Variants in BLTP1 observed in about 807,000 individuals in gnomAD.
The protein encoded by BLTP1 is bridge-like lipid transfer protein family member 1.
the BLTP1 span, among the ~76,000 whole-genome samples, chr4:122,351,442 C>T: frequency 6.6e-6 from 1 of 152,180 alleles, no homozygotes; most frequent in African/African-American, 2.4e-5. Context: ...TGCTAATTAT[C>T]TCCTTTAGCT....
chr4:122,239,405 A>T, the BLTP1 span: 1 of 898,380 alleles, frequency 1.1e-6, no homozygotes, highest in Non-Finnish European at 1.6e-6. Flanking sequence ...ATTTTCTTTT[A>T]CTTGTAAAGT....
the BLTP1 span, among the ~76,000 whole-genome samples, chr4:122,323,877 A>T: frequency 6.6e-6 from 1 of 152,062 alleles, no homozygotes; most frequent in Non-Finnish European, 1.5e-5. Context: ...CTCAATTCCC[A>T]TTATCCATCT....
the BLTP1 span, chr4:122,261,478 G>A: frequency 2.0e-6 from 2 of 981,130 alleles, no homozygotes; most frequent in African/African-American, 3.5e-5. Flanking sequence ...ATTTTAAATT[G>A]ATCGGCCATT....
the BLTP1 span, chr4:122,315,294 G>GT: frequency 7.1e-6 from 3 of 422,668 alleles, no homozygotes; most frequent in Non-Finnish European, 9.5e-6. Flanking sequence ...AGAGGAAACA[G>GT]TAGATGCACA....
At chr4:122,203,038 G>A in the BLTP1 span, among the ~76,000 whole-genome samples, 4 of 151,838 alleles carry the variant, frequency 2.6e-5, no homozygotes, top group Non-Finnish European at 2.9e-5. Context: ...TAACTGTAGA[G>A]TCCTTTTTAA....
At chr4:122,164,760 T>A in the BLTP1 span, among the ~76,000 whole-genome samples, 1 of 141,382 alleles carries the variant, frequency 7.1e-6, no homozygotes, top group Non-Finnish European at 1.5e-5. Flanking sequence ...ATTTATTTTA[T>A]TTTTTTTTTT....
chr4:122,200,197 G>A, the BLTP1 span: 1 of 958,068 alleles, frequency 1.0e-6, no homozygotes, highest in Admixed American at 6.2e-5. Flanking sequence ...GGCATATTCA[G>A]TATTTTAATG....
chr4:122,300,312 A>G, the BLTP1 span, among the ~76,000 whole-genome samples: 2 of 152,100 alleles, frequency 1.3e-5, no homozygotes, highest in Non-Finnish European at 2.9e-5. Context: ...CCTGGCCCAA[A>G]TATATGTTAA....
the BLTP1 span, chr4:122,298,709 TGAA>T: frequency 2.3e-6 from 1 of 438,092 alleles, no homozygotes; most frequent in Non-Finnish European, 3.0e-6. Context: ...TTTTGATGAA[TGAA>T]GAAGTTAAGT....
At chr4:122,193,557 ACTT>A in the BLTP1 span, 13 of 508,946 alleles carry the variant, frequency 2.6e-5, 1 homozygote, top group South Asian at 4.3e-4. Context: ...ACATTTTTCT[ACTT>A]CTTGAAGAAT....
the BLTP1 span, chr4:122,201,759 A>G: frequency 2.1e-6 from 1 of 468,574 alleles, no homozygotes; most frequent in African/African-American, 2.1e-5. Flanking sequence ...AAGTTGGTCT[A>G]ATTTGCCAGG....
At chr4:122,266,681 C>T in the BLTP1 span, 1 of 1,024,036 alleles carries the variant, frequency 9.8e-7, no homozygotes, top group Non-Finnish European at 1.4e-6. Context: ...ATAATATGTA[C>T]TGAGGTAGGG....
At chr4:122,180,031 C>CACACACACACAT in the BLTP1 span, 1 of 852,816 alleles carries the variant, frequency 1.2e-6, no homozygotes, top group Non-Finnish European at 1.4e-6. Flanking sequence ...CATGTACACA[C>CACACACACACAT]ACACACACAC....
chr4:122,344,008 A>T, the BLTP1 span: 1 of 969,076 alleles, frequency 1.0e-6, no homozygotes, highest in African/African-American at 1.8e-5. Context: ...TAAGTCAGCC[A>T]TTTCGTGAAA....
chr4:122,238,320 A>G, the BLTP1 span: 7 of 1,614,040 alleles, frequency 4.3e-6, no homozygotes, highest in South Asian at 5.5e-5. Context: ...GAGTTCTTGC[A>G]TGGGACAAAA....
At chr4:122,261,686 A>G in the BLTP1 span, 1 of 985,088 alleles carries the variant, frequency 1.0e-6, no homozygotes, top group East Asian at 1.1e-4. Flanking sequence ...GATGGGTTAA[A>G]AATCTGGCTT....
chr4:122,333,543 A>G, the BLTP1 span: 3 of 1,380,866 alleles, frequency 2.2e-6, no homozygotes, highest in South Asian at 3.1e-5. Context: ...CCTTTGTCAG[A>G]TGAGTAGGTT....
chr4:122,281,700 C>G, the BLTP1 span: 1 of 1,611,348 alleles, frequency 6.2e-7, no homozygotes, highest in Admixed American at 1.7e-5. Context: ...GATGGTATAG[C>G]CATTGGAGCA....
the BLTP1 span, chr4:122,309,482 C>T: frequency 6.2e-7 from 1 of 1,606,510 alleles, no homozygotes; most frequent in Non-Finnish European, 8.5e-7. Context: ...TCTTTTATTT[C>T]TATATACAGT....
Sources: gnomAD v4.1 joint callset for allele counts (sites outside exome capture counted in the v4.1 genomes callset) on GRCh38, gnomAD v4.1.1 for gene constraint, MANE v1.5 for transcripts, NCBI Gene and HGNC (gene_info 2026-07-23, HGNC 2026-07-21) for gene names.